ANGPT2: variants seen among roughly 807,000 people sequenced by gnomAD.
ANGPT2 encodes angiopoietin 2, also known as angiopoietin-2.
ANGPT2 carries 28 observed loss-of-function variants against 62.9 expected under a neutral mutation model. The ratio of observed to expected loss-of-function variants is 0.44; its 90% CI spans 0.33 to 0.61. The LOEUF is 0.61. Among genes scored for constraint, ANGPT2 ranks in the 20% least tolerant of loss-of-function variants. ANGPT2 has a pLI of 0.03. For missense variants in ANGPT2, 727 were observed against 594.9 expected (o/e 1.22, Z -2.31); for synonymous variants, 284 against 207.8 (o/e 1.37, Z -3.15).
rs2916714 is a variant in ANGPT2 at position 6,501,598 on chromosome 8, C to T, written c.*1503G>A. 0.25 allele frequency: 36,431 copies of T among 145,612 alleles called. 4,909 individuals carry two copies. The highest frequency in any genetic ancestry group is 0.46 in the East Asian group (2,261 of 4,958). 9.0% of individuals were successfully genotyped at this position (145,612 alleles called of 1,614,324 possible). On this transcript the variant is annotated 3_prime_UTR_variant, in exon 9 of 9. Transcript: ENST00000629816. ...GAGATGGAGTCTTGCTCTGTTGCCC[C>T]GGCTGGAGTGCAGTGGTGCGATCTT...
chr8:6,533,569 C>CTTTTTTTTT (rs56882906), intron 1 of ANGPT2, among the ~76,000 whole-genome samples: 1 of 113,340 alleles, frequency 8.8e-6, no homozygotes, highest in African/African-American at 3.3e-5. Context: ...CGTTTAGTTT[C>CTTTTTTTTT]TTTTTTTTTT....
rs951725247 is a variant in ANGPT2, at chr8:6,500,404, A to T, written c.*2697T>A. 1 of 157,488 alleles carries T rather than the reference A, an allele frequency of 6.3e-6. No individual in the cohort carries two copies. Among genetic ancestry groups the T allele is most frequent in the Non-Finnish European group, 1.4e-5 (1 of 71,158 alleles). 9.8% of individuals were successfully genotyped at this position (157,488 alleles called of 1,614,324 possible). ...GTTCTAATTTTTTTTAAGATTAAGT[A>T]ATAATTAAGTGGATAATTTAAAGTT... is the stretch of plus-strand genomic sequence containing the variant. On this transcript the variant is annotated 3_prime_UTR_variant, in exon 9 of 9. Transcript: ENST00000629816.
At chr8:6,503,839 G>A (rs1736010052) in intron 8 of ANGPT2, among the ~76,000 whole-genome samples, 1 of 152,170 alleles carries the variant, frequency 6.6e-6, no homozygotes, top group South Asian at 2.1e-4. Context: ...TCCAGCACAG[G>A]GGCTGTGGGA....
At chr8:6,546,551 C>G (rs1190274956) in intron 1 of ANGPT2, among the ~76,000 whole-genome samples, 1 of 151,946 alleles carries the variant, frequency 6.6e-6, no homozygotes, top group Non-Finnish European at 1.5e-5. Flanking sequence ...TTTTTTAAAA[C>G]TCAATTTATA....
chr8:6,546,756 A>G (rs1822645998), intron 1 of ANGPT2, among the ~76,000 whole-genome samples: 1 of 152,122 alleles, frequency 6.6e-6, no homozygotes, highest in African/African-American at 2.4e-5. Context: ...TAGGATATAA[A>G]CTCAACGTAC....
At position 6,562,712 on chromosome 8, in the gene ANGPT2, C is replaced by G; in HGVS notation, c.223G>C (p.Asp75His). The G allele has an allele frequency of 1.9e-6, 3 of 1,613,330 alleles. No homozygotes were observed. The highest frequency in any genetic ancestry group is 2.5e-6 in the Non-Finnish European group (3 of 1,179,500). ...VQRDAPLEYDDSVQRLQVLEN... is the reference protein window; with the variant it reads ...VQRDAPLEYDHSVQRLQVLEN... Reference sequence around the variant, plus strand: ...AGCACTTGCAGCCTCTGCACCGAGTCATCGTATTCGAGCGGCGCGTCCCTC... The same window carrying G: ...AGCACTTGCAGCCTCTGCACCGAGTGATCGTATTCGAGCGGCGCGTCCCTC... The change falls in exon 1 of 9, where the codon GAC becomes CAC. Residue 75 changes from aspartate (D) to histidine (H), a missense_variant. Physicochemically the swap from Asp to His is moderately conservative, Grantham distance 81. Transcript: ENST00000629816.
chr8:6,507,260 T>C (rs1477412086), intron 8 of ANGPT2, among the ~76,000 whole-genome samples: 1 of 152,204 alleles, frequency 6.6e-6, no homozygotes, highest in African/African-American at 2.4e-5. Flanking sequence ...TTTAATGTAG[T>C]AACTTTCATT....
chr8:6,532,418 G>C lies in ANGPT2; in HGVS notation c.358C>G (p.Gln120Glu), dbSNP rs754417127. Reference protein sequence around the residue: ...VEIQQNAVQNQTAVMIEIGTN... With the variant: ...VEIQQNAVQNETAVMIEIGTN... The stretch of plus-strand genomic sequence containing the variant: ...CCTATTTCTATCATCACAGCCGTCT[G>C]GTTCTGTACTGCATTCTGCTGTATC... The change falls in exon 2 of 9, where the codon CAG (glutamine) becomes GAG (glutamate). Residue 120 changes from glutamine to glutamate, a missense_variant. Transcript: ENST00000629816. The C allele has an allele frequency of 1.2e-6, 2 of 1,614,004 alleles. No individual in the cohort carries two copies. Among genetic ancestry groups the C allele is most frequent in the South Asian group, 2.2e-5 (2 of 91,054 alleles).
chr8:6,562,578 T>TTTTTTTTTTTTTTTAAAA, intron 1 of ANGPT2, 69 bp downstream of exon 1: 1 of 880,188 alleles, frequency 1.1e-6, no homozygotes, highest in Non-Finnish European at 1.6e-6. Flanking sequence ...TTTTGGTTGT[T>TTTTTTTTTTTTTTTAAAA]AAAACCTGAG....
chr8:6,556,174 T>C (rs1200295892), intron 1 of ANGPT2, among the ~76,000 whole-genome samples: 2 of 152,072 alleles, frequency 1.3e-5, no homozygotes, highest in Non-Finnish European at 2.9e-5. Flanking sequence ...TAAAAACAAA[T>C]TGTTAAAGAG....
intron 7 of ANGPT2, among the ~76,000 whole-genome samples, chr8:6,510,410 A>T (rs907750452): frequency 1.3e-4 from 20 of 152,084 alleles, no homozygotes; most frequent in Non-Finnish European, 1.9e-4. Flanking sequence ...TCTTTGTAAA[A>T]CCTGCTAATG....
chr8:6,539,682 G>C (rs1055815321), intron 1 of ANGPT2, among the ~76,000 whole-genome samples: 1 of 152,136 alleles, frequency 6.6e-6, no homozygotes, highest in Non-Finnish European at 1.5e-5. Flanking sequence ...TGCCTCCCTG[G>C]TTCAAACGAT....
intron 1 of ANGPT2, among the ~76,000 whole-genome samples, chr8:6,558,004 G>A (rs1294233567): frequency 6.6e-6 from 1 of 152,072 alleles, no homozygotes; most frequent in African/African-American, 2.4e-5. Flanking sequence ...CCTCACAGGT[G>A]GTGTCTCTGT....
In ANGPT2 at chr8:6,519,984, G is replaced by A. The variant is rs1817006467; in HGVS notation, c.807C>T (p.Asp269=). 1 of 1,613,476 alleles carries A rather than the reference G, an allele frequency of 6.2e-7. No individual in the cohort carries two copies. The highest frequency in any genetic ancestry group is 1.1e-5 in the South Asian group (1 of 90,884). ...TTTGTTCTTCTTTAGCAACAGTGGG[G>A]TCCTTAGCTGCTTTTAAAAAATAGT... ...LTMMSTSNSK[D]PTVAKEEQIS... Residue 269 remains aspartate (D), a synonymous_variant, in exon 5 of 9, where the codon GAC becomes GAT. Transcript: ENST00000629816.
intron 1 of ANGPT2, among the ~76,000 whole-genome samples, chr8:6,561,930 C>T (rs1825602736): frequency 6.6e-6 from 1 of 152,210 alleles, no homozygotes; most frequent in Non-Finnish European, 1.5e-5. Context: ...CCTGTCGTGG[C>T]ATGACTTGAA....
intron 1 of ANGPT2, among the ~76,000 whole-genome samples, chr8:6,558,733 T>G (rs1222333767): frequency 6.6e-6 from 1 of 152,184 alleles, no homozygotes; most frequent in Non-Finnish European, 1.5e-5. Flanking sequence ...CTCCCCATAG[T>G]GTGATATCTA....
chr8:6,520,041 A>C, intron 4 of ANGPT2, 50 bp from the exon 5 acceptor site: 1 of 1,595,728 alleles, frequency 6.3e-7, no homozygotes, highest in Non-Finnish European at 8.6e-7. Flanking sequence ...TGAAAAGACA[A>C]AGACTTGTTA....
chr8:6,547,050 G>A (rs147875386), intron 1 of ANGPT2, among the ~76,000 whole-genome samples: 54 of 152,162 alleles, frequency 3.5e-4, no homozygotes, highest in African/African-American at 1.2e-3. Flanking sequence ...CACGTGTTCC[G>A]TGTGTACCGT....
chr8:6,513,748 C>A lies in ANGPT2; in HGVS notation c.1126G>T (p.Asp376Tyr). ...GAGTAAGCCTCATTCCCTTCCCAGT[C>A]TTTAAGGTGTATTTTAAGCACATAG... is the stretch of plus-strand genomic sequence containing the variant. ...QRYVLKIHLK[D>Y]WEGNEAYSLY... The change falls in exon 7 of 9, where the codon GAC becomes TAC. Residue 376 changes from aspartate (D) to tyrosine (Y), a missense_variant. Coordinates refer to ENST00000629816, the MANE Select transcript of ANGPT2 (RefSeq NM_001118887.2). 6.2e-7 allele frequency: 1 copy of A among 1,613,986 alleles called. No individual in the cohort carries two copies. The highest frequency in any genetic ancestry group is 8.5e-7 in the Non-Finnish European group (1 of 1,179,940).
Sources: gnomAD v4.1 joint callset for allele counts (sites outside exome capture counted in the v4.1 genomes callset) on GRCh38, gnomAD v4.1.1 for gene constraint, MANE v1.5 for transcripts, NCBI Gene and HGNC (gene_info 2026-07-23, HGNC 2026-07-21) for gene names.